Variants in LUZP2 observed in about 807,000 individuals in gnomAD.
LUZP2 encodes leucine zipper protein 2.
Under a neutral mutation model 51.6 loss-of-function variants are expected in LUZP2, and 52 were observed. That is an observed-to-expected ratio of 1.01 (90% CI 0.81 to 1.27). The LOEUF (loss-of-function observed/expected upper bound fraction) is 1.27, where lower values mean the gene tolerates loss of function less well. Ranked by LOEUF, LUZP2 falls within the 50% of genes most tolerant of loss-of-function variation. The pLI, the probability that LUZP2 is intolerant of heterozygous loss-of-function variation, is 0.00. For synonymous variants in LUZP2, 154 were observed against 137.3 expected (o/e 1.12, Z -0.85); for missense variants, 436 against 395.4 (o/e 1.10, Z -0.87).
At chr11:24,622,956 G>T (rs73433093) in intron 1 of LUZP2, among the ~76,000 whole-genome samples, 27,807 of 152,020 alleles carry the variant, frequency 0.18, 2,856 homozygotes, top group African/African-American at 0.27. Context: ...TAGAAGAAAA[G>T]AGAAGCAAAA....
At chr11:24,770,190 CTAGGATAAAATCAGTTTGTCTGTA>C (rs1447995646) in intron 5 of LUZP2, among the ~76,000 whole-genome samples, 1 of 152,132 alleles carries the variant, frequency 6.6e-6, no homozygotes, top group Admixed American at 6.5e-5. Flanking sequence ...TATTTTACTT[CTAGGATAAAATCAGTTTGTCTGTA>C]ACGGTCTGAG....
At chr11:25,042,196 A>G (rs1858086765) in intron 9 of LUZP2, among the ~76,000 whole-genome samples, 1 of 152,136 alleles carries the variant, frequency 6.6e-6, no homozygotes, top group African/African-American at 2.4e-5. Flanking sequence ...TAGAAAAAAG[A>G]CCACTTATGT....
chr11:24,868,732 G>A (rs1306825092), intron 5 of LUZP2, among the ~76,000 whole-genome samples: 2 of 151,994 alleles, frequency 1.3e-5, no homozygotes, highest in Admixed American at 1.3e-4. Context: ...CCCCCAAAAG[G>A]ATTTTATGCT....
At position 24,602,387 on chromosome 11, in the gene LUZP2, TACACAC is replaced by T. The variant is rs71041785; in HGVS notation, c.62+105106_62+105111del. 6.8e-4 allele frequency among the ~76,000 whole-genome samples: 88 copies of T among 129,524 alleles called. 1 individual carries two copies. Among genetic ancestry groups the T allele is most frequent in the African/African-American group, 2.1e-3 (75 of 35,022 alleles). 85.0% of individuals were successfully genotyped at this position (129,524 alleles called of 152,430 possible). A position where few individuals can be genotyped will look rare whatever the true frequency, so the allele number is the denominator to read the frequency against. ...AAGTGTGTGTGTGTATATATATATA[TACACAC>T]ACACACACACACACACACACACATA... On this transcript the variant is annotated intron_variant, in intron 1 of 11. Transcript: ENST00000336930.
intron 1 of LUZP2, among the ~76,000 whole-genome samples, chr11:24,706,184 A>T (rs1329729105): frequency 1.3e-5 from 2 of 152,214 alleles, no homozygotes; most frequent in African/African-American, 2.4e-5. Context: ...TGCTTTTAAG[A>T]AGAAGATAAT....
At chr11:24,935,388 A>G (rs1854560085) in intron 7 of LUZP2, among the ~76,000 whole-genome samples, 1 of 152,196 alleles carries the variant, frequency 6.6e-6, no homozygotes. Flanking sequence ...TTTAAATACT[A>G]AATGCTTTGT....
intron 10 of LUZP2, among the ~76,000 whole-genome samples, chr11:25,069,108 G>GT (rs1490596585): frequency 6.6e-6 from 1 of 151,888 alleles, no homozygotes; most frequent in Non-Finnish European, 1.5e-5. Context: ...TATGAGAAAC[G>GT]TTTTTTGGTT....
In LUZP2 at chr11:25,011,555, A is replaced by G. The variant is rs78354027; in HGVS notation, c.765+28262A>G. On this transcript the variant is annotated intron_variant, in intron 9 of 11. Coordinates refer to ENST00000336930, the MANE Select transcript of LUZP2 (RefSeq NM_001009909.4). ...TAAGGTTCAGGCCATTTAGTTTTCTATAGGGTATGTAAAATATTCTAATTT... is the reference window on the plus strand; with the variant it reads ...TAAGGTTCAGGCCATTTAGTTTTCTGTAGGGTATGTAAAATATTCTAATTT... Among the ~76,000 whole-genome samples, 1,031 of 152,272 alleles carry G rather than the reference A, an allele frequency of 6.8e-3. 14 individuals are homozygous for G. The highest frequency in any genetic ancestry group is 0.023 in the African/African-American group (967 of 41,566).
At chr11:24,947,294 T>C (rs572279658) in intron 7 of LUZP2, among the ~76,000 whole-genome samples, 379 of 152,098 alleles carry the variant, frequency 2.5e-3, no homozygotes, top group African/African-American at 8.5e-3. Context: ...CTCCTTGTCC[T>C]CTTCACACTG....
chr11:24,838,490 C>T (rs1850925394), intron 5 of LUZP2, among the ~76,000 whole-genome samples: 1 of 151,604 alleles, frequency 6.6e-6, no homozygotes, highest in African/African-American at 2.4e-5. Flanking sequence ...TTTCTCTCTG[C>T]ATATATCGAT....
intron 1 of LUZP2, among the ~76,000 whole-genome samples, chr11:24,649,018 T>A (rs888980668): frequency 6.6e-6 from 1 of 152,062 alleles, no homozygotes; most frequent in Non-Finnish European, 1.5e-5. Flanking sequence ...CTTCCTGTCC[T>A]GTAACTAATC....
rs1850105451 is a variant in LUZP2, at chr11:24,504,968, G to A, written c.62+7663G>A. On this transcript the variant is annotated intron_variant, in intron 1 of 11. Transcript: ENST00000336930. ...TCTCACCGATAATTTAATAACTGAA[G>A]GTCACAAGCATTTGGCATCTCATCT... 2.6e-5 allele frequency among the ~76,000 whole-genome samples: 4 copies of A among 152,030 alleles called. No individual in the cohort carries two copies. The South Asian group carries it at 6.2e-4, about 24-fold the overall frequency.
chr11:24,766,715 A>G (rs1297453842), intron 5 of LUZP2, among the ~76,000 whole-genome samples: 2 of 82,468 alleles, frequency 2.4e-5, no homozygotes, highest in African/African-American at 4.9e-5. Context: ...AAAGAATCAA[A>G]TGATTATGTT....
chr11:24,572,739 T>C (rs781384383), intron 1 of LUZP2, among the ~76,000 whole-genome samples: 4 of 152,174 alleles, frequency 2.6e-5, no homozygotes, highest in Non-Finnish European at 5.9e-5. Context: ...ATTCGTAATT[T>C]AGACTGGGTA....
At chr11:24,587,444 A>G (rs758085432) in intron 1 of LUZP2, among the ~76,000 whole-genome samples, 92 of 152,218 alleles carry the variant, frequency 6.0e-4, no homozygotes, top group Non-Finnish European at 1.2e-3. Context: ...GAGCGAGCAT[A>G]AGCACAATGT....
At chr11:24,568,052 A>G (rs558985844) in intron 1 of LUZP2, among the ~76,000 whole-genome samples, 5 of 152,342 alleles carry the variant, frequency 3.3e-5, no homozygotes, top group African/African-American at 9.6e-5. Flanking sequence ...AAAGTCAACT[A>G]TATGCTGTCT....
chr11:24,998,165 T>G lies in LUZP2; in HGVS notation c.765+14872T>G, dbSNP rs1180624399. Among the ~76,000 whole-genome samples the G allele has an allele frequency of 2.0e-5, 3 of 152,188 alleles. No individual in the cohort carries two copies. In the East Asian group the frequency reaches 5.8e-4, roughly 29 times the overall value. ...TTTCCAATTCTGTGAAGAAAGTCAT[T>G]GGTAACTTGATGGGGATGGCATTGA... On this transcript the variant is annotated intron_variant, in intron 9 of 11. Transcript: ENST00000336930.
At chr11:24,660,345 T>G (rs962994497) in intron 1 of LUZP2, among the ~76,000 whole-genome samples, 3 of 152,072 alleles carry the variant, frequency 2.0e-5, no homozygotes, top group Non-Finnish European at 2.9e-5. Flanking sequence ...TGCTGAGGAG[T>G]GTAAGCTACA....
intron 7 of LUZP2, among the ~76,000 whole-genome samples, chr11:24,924,788 T>A (rs1050598232): frequency 7.2e-5 from 11 of 152,126 alleles, no homozygotes; most frequent in African/African-American, 2.7e-4. Context: ...AGATGATAGG[T>A]GGATTTAAAG....
Sources: gnomAD v4.1 joint callset for allele counts (sites outside exome capture counted in the v4.1 genomes callset) on GRCh38, gnomAD v4.1.1 for gene constraint, MANE v1.5 for transcripts, NCBI Gene and HGNC (gene_info 2026-07-23, HGNC 2026-07-21) for gene names.